ADAMTS6: variants seen among roughly 807,000 people sequenced by gnomAD.
ADAMTS6 encodes the protein A disintegrin and metalloproteinase with thrombospondin motifs 6.
In ADAMTS6, 23 loss-of-function variants were observed where a neutral mutation model predicts 144.3. The observed-to-expected ratio is 0.16, with a 90% CI of 0.11 to 0.23. The LOEUF (loss-of-function observed/expected upper bound fraction) is 0.23, where lower values mean the gene tolerates loss of function less well. ADAMTS6 is among the 10% of genes least tolerant of loss of function. The pLI, the probability that ADAMTS6 is intolerant of heterozygous loss-of-function variation, is 1.00. For missense variants in ADAMTS6, 999 were observed against 1,379.6 expected (o/e 0.72, Z 4.37); for synonymous variants, 444 against 457.5 (o/e 0.97, Z 0.38).
At chr5:65,313,287 TTTAA>T (rs1699774183) in intron 9 of ADAMTS6, among the ~76,000 whole-genome samples, 1 of 152,084 alleles carries the variant, frequency 6.6e-6, no homozygotes, top group Non-Finnish European at 1.5e-5. Context: ...ATTGAAATAA[TTTAA>T]TTGTTAGACT....
At chr5:65,279,197 G>A (rs367724911) in intron 11 of ADAMTS6, among the ~76,000 whole-genome samples, 91 of 152,136 alleles carry the variant, frequency 6.0e-4, no homozygotes, top group South Asian at 2.7e-3. Flanking sequence ...CTCCTGCCTT[G>A]GTCTCTCAAA....
chr5:65,246,042 T>TATG (rs1759607115), intron 14 of ADAMTS6, among the ~76,000 whole-genome samples: 1 of 152,238 alleles, frequency 6.6e-6, no homozygotes, highest in East Asian at 1.9e-4. Flanking sequence ...ATAATCTAAT[T>TATG]TGCATAAGAT....
At chr5:65,309,055 C>T (rs1744220727) in intron 9 of ADAMTS6, among the ~76,000 whole-genome samples, 2 of 150,924 alleles carry the variant, frequency 1.3e-5, no homozygotes, top group South Asian at 4.2e-4. Flanking sequence ...GGTCCCCATC[C>T]TTTTTGGCAC....
At chr5:65,322,559 T>C (rs998479198) in intron 9 of ADAMTS6, among the ~76,000 whole-genome samples, 6 of 127,572 alleles carry the variant, frequency 4.7e-5, no homozygotes, top group African/African-American at 1.4e-4. Flanking sequence ...CAGTGGTATG[T>C]AGTTTTTTTT....
chr5:65,188,850 G>C (rs1410942408), intron 21 of ADAMTS6, among the ~76,000 whole-genome samples: 1 of 152,126 alleles, frequency 6.6e-6, no homozygotes, highest in Non-Finnish European at 1.5e-5. Flanking sequence ...CATTGAGGCA[G>C]GTTCTCCCAT....
chr5:65,436,174 AC>A (rs1757384038), intron 7 of ADAMTS6, among the ~76,000 whole-genome samples: 1 of 151,522 alleles, frequency 6.6e-6, no homozygotes, highest in Admixed American at 6.6e-5. Flanking sequence ...AACCTAAGCA[AC>A]ATAACCTAAG....
chr5:65,452,935 C>A lies in ADAMTS6; in HGVS notation c.632-17G>T. 1.3e-6 allele frequency: 2 copies of A among 1,596,474 alleles called. No individual in the cohort carries two copies. Among genetic ancestry groups the A allele is most frequent in the South Asian group, 1.1e-5 (1 of 90,298 alleles). Reference sequence around the variant, plus strand: ...TTGTGAAATCTACAATAAAAGCAGCCAATTCAGATAGGTTCACTAATTAAA... The same window carrying A: ...TTGTGAAATCTACAATAAAAGCAGCAAATTCAGATAGGTTCACTAATTAAA... On this transcript the variant is annotated splice_polypyrimidine_tract_variant and intron_variant, in intron 4 of 24. Coordinates refer to ENST00000381055, the MANE Select transcript of ADAMTS6 (RefSeq NM_197941.4).
At chr5:65,417,562 C>G (rs1382807321) in intron 7 of ADAMTS6, among the ~76,000 whole-genome samples, 2 of 152,090 alleles carry the variant, frequency 1.3e-5, no homozygotes, top group Non-Finnish European at 2.9e-5. Flanking sequence ...ACAAAAACCC[C>G]TAGCATTTTT....
chr5:65,437,548 G>C, intron 7 of ADAMTS6, among the ~76,000 whole-genome samples: 1 of 152,096 alleles, frequency 6.6e-6, no homozygotes, highest in East Asian at 1.9e-4. Context: ...TTCAAGATGA[G>C]GTTTGGGTGG....
intron 14 of ADAMTS6, among the ~76,000 whole-genome samples, chr5:65,242,535 A>G (rs1196713287): frequency 2.0e-5 from 3 of 152,108 alleles, no homozygotes; most frequent in Non-Finnish European, 4.4e-5. Context: ...AGAAATTAAA[A>G]CACAAAATCC....
intron 24 of ADAMTS6, among the ~76,000 whole-genome samples, chr5:65,164,389 G>A (rs1409327235): frequency 6.6e-6 from 1 of 151,880 alleles, no homozygotes; most frequent in Non-Finnish European, 1.5e-5. Context: ...TACGCCCACG[G>A]AGTCTCGCTG....
intron 10 of ADAMTS6, among the ~76,000 whole-genome samples, chr5:65,294,067 G>A (rs1220450706): frequency 1.3e-5 from 2 of 152,174 alleles, no homozygotes; most frequent in African/African-American, 2.4e-5. Flanking sequence ...AAGCAAATGT[G>A]GGGATGTATC....
intron 10 of ADAMTS6, among the ~76,000 whole-genome samples, chr5:65,293,926 A>G (rs1464688041): frequency 6.6e-6 from 1 of 152,238 alleles, no homozygotes; most frequent in Non-Finnish European, 1.5e-5. Flanking sequence ...AATAAAATAT[A>G]AAGGAAAACC....
intron 14 of ADAMTS6, among the ~76,000 whole-genome samples, chr5:65,249,550 TTTTAAA>T (rs1339087929): frequency 2.6e-5 from 4 of 152,154 alleles, no homozygotes; most frequent in Admixed American, 2.0e-4. Context: ...TTCTAAAGCC[TTTTAAA>T]TAAACTAAAT....
At chr5:65,458,921 T>G (rs895160248) in intron 4 of ADAMTS6, among the ~76,000 whole-genome samples, 4 of 152,238 alleles carry the variant, frequency 2.6e-5, no homozygotes, top group Non-Finnish European at 5.9e-5. Flanking sequence ...TAGTATGTGC[T>G]AAGATGAGCA....
chr5:65,279,095 C>G (rs1762787365), intron 11 of ADAMTS6, among the ~76,000 whole-genome samples: 1 of 152,022 alleles, frequency 6.6e-6, no homozygotes, highest in Admixed American at 6.6e-5. Context: ...AAGCACATGC[C>G]ACCACGCTCA....
chr5:65,412,826 A>C (rs941545068), intron 7 of ADAMTS6, among the ~76,000 whole-genome samples: 1 of 152,144 alleles, frequency 6.6e-6, no homozygotes, highest in Admixed American at 6.5e-5. Flanking sequence ...GTAATTGAAA[A>C]CCATAACTAA....
intron 20 of ADAMTS6, among the ~76,000 whole-genome samples, chr5:65,200,949 T>G (rs1038946192): frequency 2.0e-5 from 3 of 152,228 alleles, no homozygotes; most frequent in Non-Finnish European, 4.4e-5. Flanking sequence ...TTTTTGTCCA[T>G]AAGTTTAAAT....
intron 7 of ADAMTS6, among the ~76,000 whole-genome samples, chr5:65,355,762 A>G (rs1749261918): frequency 6.6e-6 from 1 of 151,852 alleles, no homozygotes; most frequent in African/African-American, 2.4e-5. Flanking sequence ...TATTAACATT[A>G]TCAGCTTCAT....
Sources: gnomAD v4.1 joint callset for allele counts (sites outside exome capture counted in the v4.1 genomes callset) on GRCh38, gnomAD v4.1.1 for gene constraint, MANE v1.5 for transcripts, NCBI Gene and HGNC (gene_info 2026-07-23, HGNC 2026-07-21) for gene names.